Variants in KIFC3 observed in about 807,000 individuals in gnomAD.
KIFC3 encodes the protein kinesin family member C3.
Under a neutral mutation model 101.8 loss-of-function variants are expected in KIFC3, and 60 were observed. The ratio of observed to expected loss-of-function variants is 0.59; its 90% CI spans 0.48 to 0.73. KIFC3 has a LOEUF of 0.73. Among genes scored for constraint, KIFC3 ranks in the 30% least tolerant of loss-of-function variants. The pLI is 0.00. For synonymous variants in KIFC3, 476 were observed against 482.7 expected, an observed-to-expected ratio of 0.99 and a Z score of 0.18; for missense variants, 966 against 1,137.1, an observed-to-expected ratio of 0.85 and a Z score of 2.16.
upstream of KIFC3, chr16:57,802,534 G>A: frequency 1.0e-6 from 1 of 986,310 alleles, no homozygotes; most frequent in African/African-American, 1.7e-5. The surrounding 1 kb of genome is among the most constrained non-coding windows in gnomAD (Gnocchi z 5.0). Flanking sequence ...GGGCCGCGGC[G>A]CGTTCCCATG....
intron 1 of KIFC3, chr16:57,816,426 C>CA: frequency 2.0e-6 from 1 of 504,442 alleles, no homozygotes; most frequent in Non-Finnish European, 3.7e-6. Flanking sequence ...GGCCAAGAGG[C>CA]AAAGGTTTTG....
chr16:57,825,291 A>G (rs1258018452), intron 1 of KIFC3, among the ~76,000 whole-genome samples: 4 of 152,180 alleles, frequency 2.6e-5, no homozygotes, highest in African/African-American at 9.7e-5. Context: ...GTCCCTCCCC[A>G]ACAAATGCCA....
chr16:57,759,020 G>A (rs940240186), intron 19 of KIFC3, 105 bp downstream of exon 19: 3 of 1,529,792 alleles, frequency 2.0e-6, no homozygotes, highest in Non-Finnish European at 2.6e-6. Flanking sequence ...ACAAGCGACA[G>A]CAGGGGCTAG....
chr16:57,762,127 C>T lies in KIFC3; in HGVS notation c.1748+13G>A. 6.3e-7 allele frequency: 1 copy of T among 1,589,162 alleles called. No homozygotes were observed. The highest frequency in any genetic ancestry group is 8.6e-7 in the Non-Finnish European group (1 of 1,165,936). On this transcript the variant is annotated intron_variant, in intron 13 of 19. Transcript: ENST00000445690. Reference sequence around the variant, plus strand: ...GCCCCTGAGGCCTGCTCCGCACACCCTGGGGCTCCCACCTGAGGACCTCAT... The same window carrying T: ...GCCCCTGAGGCCTGCTCCGCACACCTTGGGGCTCCCACCTGAGGACCTCAT...
intron 1 of KIFC3, among the ~76,000 whole-genome samples, chr16:57,808,597 G>A (rs1555627384): frequency 6.6e-6 from 1 of 151,864 alleles, no homozygotes; most frequent in Non-Finnish European, 1.5e-5. Context: ...AGAGAGAGAG[G>A]AAAAACACAA....
intron 1 of KIFC3, chr16:57,862,697 T>C: frequency 1.0e-6 from 1 of 1,000,630 alleles, no homozygotes; most frequent in Non-Finnish European, 1.4e-6. Context: ...CCTCCTCCCA[T>C]TCCCACTGCC....
intron 13 of KIFC3, 90 bp from the exon 14 acceptor site, chr16:57,761,626 C>T (rs1397657002): frequency 2.0e-6 from 3 of 1,493,172 alleles, no homozygotes; most frequent in South Asian, 1.2e-5. Flanking sequence ...AATGTTCCCC[C>T]AACCCAGGAA....
At chr16:57,793,057 CGG>C (rs1353977798) in intron 3 of KIFC3, among the ~76,000 whole-genome samples, 2 of 151,386 alleles carry the variant, frequency 1.3e-5, no homozygotes, top group Non-Finnish European at 2.9e-5. Context: ...GAGGTTGAGG[CGG>C]GTAGATCACT....
chr16:57,850,955 TTCCTTCCTTCCTTCCTTCCTTCCTTCC>T, intron 1 of KIFC3, among the ~76,000 whole-genome samples: 1 of 18,430 alleles, frequency 5.4e-5, no homozygotes, highest in African/African-American at 1.8e-4. Flanking sequence ...CCCTCCTTCC[TTCCTTCCTTCCTTCCTTCCTTCCTTCC>T]TTCCTTCCTT....
At chr16:57,787,714 C>T (rs144629431) in intron 3 of KIFC3, among the ~76,000 whole-genome samples, 1 of 152,144 alleles carries the variant, frequency 6.6e-6, no homozygotes, top group East Asian at 1.9e-4. Context: ...GTCCCCTGCC[C>T]GAGGCTGGCC....
At position 57,759,092 on chromosome 16, in the gene KIFC3, C is replaced by T. The variant is rs1009437710; in HGVS notation, c.*24+33G>A. 16 of 1,549,330 alleles carry T rather than the reference C, an allele frequency of 1.0e-5. No homozygotes were observed. In the South Asian group the frequency reaches 1.2e-4, roughly 12 times the overall value. Reference sequence around the variant, plus strand: ...CTGCAACCCACTGCGGGCAGGCAGGCGGGCAGCCCTGGGCCACAGGCCCCA... The same window carrying T: ...CTGCAACCCACTGCGGGCAGGCAGGTGGGCAGCCCTGGGCCACAGGCCCCA... On this transcript the variant is annotated intron_variant, in intron 19 of 19. Coordinates refer to ENST00000445690, the MANE Select transcript of KIFC3 (RefSeq NM_001130100.2).
intron 3 of KIFC3, chr16:57,785,795 G>T: frequency 2.6e-6 from 1 of 390,168 alleles, no homozygotes; most frequent in Non-Finnish European, 4.1e-6. Flanking sequence ...GCAACCAGGT[G>T]AGGGCTGGGG....
chr16:57,792,938 T>G (rs1376930422), intron 3 of KIFC3, among the ~76,000 whole-genome samples: 1 of 149,208 alleles, frequency 6.7e-6, no homozygotes, highest in Non-Finnish European at 1.5e-5. Context: ...TTACCAGGAC[T>G]TACTTGAGGG....
intron 12 of KIFC3, among the ~76,000 whole-genome samples, chr16:57,763,855 C>T (rs1237407934): frequency 2.0e-5 from 3 of 152,134 alleles, no homozygotes; most frequent in African/African-American, 7.2e-5. Flanking sequence ...TGAGAGAGGT[C>T]GGTGGCCTGC....
At chr16:57,857,435 T>C (rs1450081204) in intron 1 of KIFC3, among the ~76,000 whole-genome samples, 7 of 151,456 alleles carry the variant, frequency 4.6e-5, no homozygotes, top group African/African-American at 1.7e-4. Flanking sequence ...CTGGGATACA[T>C]GTGCAGAACA....
intron 13 of KIFC3, among the ~76,000 whole-genome samples, 176 bp from the exon 14 acceptor site, chr16:57,761,712 TCTCA>T: frequency 6.6e-6 from 1 of 151,816 alleles, no homozygotes; most frequent in Non-Finnish European, 1.5e-5. Context: ...GACGTGGAGA[TCTCA>T]CTCCACAATA....
At chr16:57,815,297 TGGAGGCAGAA>T (rs2055194940) in intron 1 of KIFC3, 1 of 424,392 alleles carries the variant, frequency 2.4e-6, no homozygotes, top group Admixed American at 5.4e-5. Flanking sequence ...GGAGGCTGAC[TGGAGGCAGAA>T]TTGTGCTCAT....
At chr16:57,854,821 C>T (rs931883494) in intron 1 of KIFC3, among the ~76,000 whole-genome samples, 1 of 152,056 alleles carries the variant, frequency 6.6e-6, no homozygotes, top group South Asian at 2.1e-4. Flanking sequence ...TAAAGTTATT[C>T]CCTGACCACA....
At chr16:57,817,067 G>C in intron 1 of KIFC3, 1 of 285,112 alleles carries the variant, frequency 3.5e-6, no homozygotes, top group Non-Finnish European at 6.9e-6. Flanking sequence ...CAACAAAAAC[G>C]TATTCTCTCG....
Sources: gnomAD v4.1 joint callset for allele counts (sites outside exome capture counted in the v4.1 genomes callset) on GRCh38, gnomAD v4.1.1 for gene constraint, Gnocchi (gnomAD v3.1) non-coding constraint, MANE v1.5 for transcripts, NCBI Gene and HGNC (gene_info 2026-07-23, HGNC 2026-07-21) for gene names.